BCKDHB: variants seen among roughly 807,000 people sequenced by gnomAD.
The protein encoded by BCKDHB is branched chain keto acid dehydrogenase E1 subunit beta, also known as 2-oxoisovalerate dehydrogenase subunit beta, mitochondrial.
BCKDHB carries 41 observed loss-of-function variants against 48.5 expected under a neutral mutation model. The observed-to-expected ratio is 0.85, with a 90% CI of 0.66 to 1.10. BCKDHB has a LOEUF of 1.10. Among genes scored for constraint, BCKDHB ranks in the 50% least tolerant of loss-of-function variants. The pLI is 0.00. For synonymous variants in BCKDHB, 201 were observed against 174.8 expected (o/e 1.15, Z -1.18); for missense variants, 496 against 494.2 (o/e 1.00, Z -0.03).
the BCKDHB span, among the ~76,000 whole-genome samples, chr6:80,381,937 G>C: frequency 4.6e-5 from 7 of 151,322 alleles, no homozygotes; most frequent in Non-Finnish European, 1.0e-4. Flanking sequence ...CGGTAAACTT[G>C]TTATATGAAA....
At chr6:80,433,968 A>C in the BCKDHB span, among the ~76,000 whole-genome samples, 1 of 152,158 alleles carries the variant, frequency 6.6e-6, no homozygotes, top group African/African-American at 2.4e-5. Context: ...CTGTGACTCC[A>C]GTTGGACAAA....
intron 3 of BCKDHB, among the ~76,000 whole-genome samples, chr6:80,133,471 T>A (rs555095057): frequency 1.9e-4 from 29 of 152,154 alleles, no homozygotes; most frequent in Non-Finnish European, 4.0e-4. Context: ...AAATAGTATG[T>A]CCTCATCAAC....
At chr6:80,118,545 G>A (rs1474352375) in intron 1 of BCKDHB, among the ~76,000 whole-genome samples, 1 of 151,760 alleles carries the variant, frequency 6.6e-6, no homozygotes, top group African/African-American at 2.4e-5. Flanking sequence ...AGACAACAAT[G>A]AAGTTTGCTG....
intron 8 of BCKDHB, among the ~76,000 whole-genome samples, chr6:80,249,580 C>T (rs1776753762): frequency 6.6e-6 from 1 of 152,152 alleles, no homozygotes; most frequent in Admixed American, 6.6e-5. Flanking sequence ...ATGACTCAGT[C>T]ATTTCAAAGG....
the BCKDHB span, among the ~76,000 whole-genome samples, chr6:80,416,033 C>G: frequency 6.6e-6 from 1 of 151,276 alleles, no homozygotes; most frequent in African/African-American, 2.4e-5. Flanking sequence ...TTTTTTATTT[C>G]TTCTAGATTT....
intron 6 of BCKDHB, among the ~76,000 whole-genome samples, chr6:80,188,312 G>A (rs190481324): frequency 2.0e-4 from 30 of 152,204 alleles, no homozygotes; most frequent in South Asian, 1.5e-3. Flanking sequence ...TAAACATTGA[G>A]TACACACAGA....
At chr6:80,260,228 T>G (rs641559) in intron 8 of BCKDHB, among the ~76,000 whole-genome samples, 51,498 of 151,608 alleles carry the variant, frequency 0.34, 9,123 homozygotes, top group Non-Finnish European at 0.4. Flanking sequence ...TGTGTGTGTG[T>G]GGGGTAATAA....
intron 8 of BCKDHB, among the ~76,000 whole-genome samples, chr6:80,227,332 C>T (rs919080036): frequency 6.6e-6 from 1 of 152,050 alleles, no homozygotes. Flanking sequence ...TCACTTAAAC[C>T]CTTAAACTCC....
chr6:80,238,163 T>A (rs191586188), intron 8 of BCKDHB, among the ~76,000 whole-genome samples: 111 of 152,336 alleles, frequency 7.3e-4, no homozygotes, highest in Non-Finnish European at 1.2e-3. Context: ...AGTGGCGTGA[T>A]CTTGGCTTAT....
At chr6:80,168,323 GGGGAGAGGGAAGAA>G (rs1043379807) in intron 4 of BCKDHB, among the ~76,000 whole-genome samples, 5 of 149,790 alleles carry the variant, frequency 3.3e-5, no homozygotes, top group Non-Finnish European at 7.4e-5. Context: ...GCGAGAGAGA[GGGGAGAGGGAAGAA>G]GGGAGAGGGG....
At chr6:80,283,351 G>GA (rs1263849827) in intron 9 of BCKDHB, among the ~76,000 whole-genome samples, 1 of 151,948 alleles carries the variant, frequency 6.6e-6, no homozygotes, top group Non-Finnish European at 1.5e-5. Flanking sequence ...AAGCCAGTCA[G>GA]AAAAAAGATC....
At chr6:80,431,218 C>A in the BCKDHB span, among the ~76,000 whole-genome samples, 3 of 152,156 alleles carry the variant, frequency 2.0e-5, no homozygotes, top group Admixed American at 1.3e-4. Context: ...TTTGCATTTG[C>A]TGAGGAGTGT....
chr6:80,320,381 G>C (rs1311590346), intron 9 of BCKDHB, among the ~76,000 whole-genome samples: 2 of 152,100 alleles, frequency 1.3e-5, no homozygotes, highest in Admixed American at 6.5e-5. Context: ...TTAAGAATTT[G>C]TATCATCTAA....
chr6:80,425,403 G>C, the BCKDHB span, among the ~76,000 whole-genome samples: 1 of 152,140 alleles, frequency 6.6e-6, no homozygotes, highest in Non-Finnish European at 1.5e-5. Flanking sequence ...CTGAGAAATT[G>C]TAACAGCTTG....
At chr6:80,339,308 A>G (rs957064754) in intron 9 of BCKDHB, among the ~76,000 whole-genome samples, 3 of 152,142 alleles carry the variant, frequency 2.0e-5, no homozygotes, top group African/African-American at 7.2e-5. Flanking sequence ...ACCGTAATGG[A>G]TCTTATTCTT....
Position 80,106,957 on chromosome 6 carries a change from G to A in BCKDHB, c.196+68G>A, listed in dbSNP as rs1232683287. The A allele has an allele frequency of 2.6e-6, 4 of 1,540,556 alleles. No individual in the cohort carries two copies. The Admixed American group carries it at 5.8e-5, about 22-fold the overall frequency. ...CTCCCAGGCTCGCAGGCGCCCGCGA[G>A]GGGCAGGGGCCGGCAGGCTGCAATC... On this transcript the variant is annotated intron_variant, in intron 1 of 9. Coordinates refer to ENST00000320393, the MANE Select transcript of BCKDHB (RefSeq NM_183050.4).
intron 6 of BCKDHB, among the ~76,000 whole-genome samples, chr6:80,189,086 ATG>A (rs2127802606): frequency 6.6e-6 from 1 of 152,344 alleles, no homozygotes; most frequent in Non-Finnish European, 1.5e-5. Context: ...GTTTCTCAGA[ATG>A]TGTGCAAAGT....
At chr6:80,357,367 G>C in the BCKDHB span, among the ~76,000 whole-genome samples, 2 of 152,082 alleles carry the variant, frequency 1.3e-5, no homozygotes, top group Non-Finnish European at 2.9e-5. Flanking sequence ...GAATGGAGAG[G>C]GGAGTATATC....
At chr6:80,297,971 G>T (rs894846254) in intron 9 of BCKDHB, among the ~76,000 whole-genome samples, 1 of 150,398 alleles carries the variant, frequency 6.6e-6, no homozygotes, top group African/African-American at 2.4e-5. Context: ...AAAAACAGAG[G>T]ATTTTTTTTT....
Sources: gnomAD v4.1 joint callset for allele counts (sites outside exome capture counted in the v4.1 genomes callset) on GRCh38, gnomAD v4.1.1 for gene constraint, MANE v1.5 for transcripts, NCBI Gene and HGNC (gene_info 2026-07-23, HGNC 2026-07-21) for gene names.